The following PRDM11 variants were observed in gnomAD, a reference collection of about 807,000 sequenced individuals.
PRDM11 encodes PR domain-containing protein 11.
In PRDM11, 20 loss-of-function variants were observed where a neutral mutation model predicts 97.8. That is an observed-to-expected ratio of 0.20 (90% confidence interval 0.14 to 0.30). The LOEUF (loss-of-function observed/expected upper bound fraction) is 0.30, where lower values mean the gene tolerates loss of function less well. Ranked by LOEUF, PRDM11 falls within the 10% of genes least tolerant of loss-of-function variation. The pLI is 1.00. For missense variants in PRDM11, 1,139 were observed against 1,555.2 expected (o/e 0.73, Z 4.50); for synonymous variants, 599 against 637.7 (o/e 0.94, Z 0.91).
chr11:45,131,822 C>T (rs1852727818), intron 1 of PRDM11, among the ~76,000 whole-genome samples: 1 of 152,180 alleles, frequency 6.6e-6, no homozygotes, highest in Admixed American at 6.5e-5. Flanking sequence ...ATTATTATCT[C>T]AAATAACAGG....
chr11:45,114,173 T>C (rs898134236), intron 1 of PRDM11, among the ~76,000 whole-genome samples: 5 of 152,076 alleles, frequency 3.3e-5, no homozygotes, highest in African/African-American at 1.2e-4. Context: ...TTTATAAATA[T>C]GCTCAAGGAC....
intron 7 of PRDM11, 70 bp from the exon 8 acceptor site, chr11:45,225,925 T>C: frequency 1.4e-6 from 2 of 1,434,194 alleles, no homozygotes; most frequent in Non-Finnish European, 1.8e-6. Context: ...CCAGGAGTGT[T>C]TCCTGTGGAT....
chr11:45,108,877 A>G (rs1339872447), intron 1 of PRDM11, among the ~76,000 whole-genome samples: 1 of 152,264 alleles, frequency 6.6e-6, no homozygotes, highest in East Asian at 1.9e-4. Flanking sequence ...CACAAGTGTG[A>G]AATTTCTTTG....
At chr11:45,110,806 A>T (rs1288835400) in intron 1 of PRDM11, among the ~76,000 whole-genome samples, 1 of 152,186 alleles carries the variant, frequency 6.6e-6, no homozygotes, top group Non-Finnish European at 1.5e-5. Flanking sequence ...ATGGCAGTAA[A>T]GTATCCCAAA....
chr11:45,190,700 T>C (rs376948104), intron 4 of PRDM11, among the ~76,000 whole-genome samples: 1 of 152,176 alleles, frequency 6.6e-6, no homozygotes, highest in East Asian at 1.9e-4. Context: ...CATGAATGAA[T>C]GAGTGTTGCT....
intron 4 of PRDM11, among the ~76,000 whole-genome samples, chr11:45,201,612 G>A (rs936575189): frequency 5.9e-5 from 9 of 152,100 alleles, no homozygotes; most frequent in Non-Finnish European, 1.2e-4. Flanking sequence ...TCCTGCCTCA[G>A]CCTCCTGAGT....
chr11:45,116,649 T>C (rs73464534), intron 1 of PRDM11, among the ~76,000 whole-genome samples: 3,827 of 152,298 alleles, frequency 0.025, 164 homozygotes, highest in African/African-American at 0.088. Flanking sequence ...CTTAGAAATT[T>C]ATAGCTAGAA....
Position 45,174,872 on chromosome 11 carries a change from G to A in PRDM11, c.-6-6889G>A, listed in dbSNP as rs568083212. On this transcript the variant is annotated intron_variant, in intron 1 of 7. Coordinates refer to ENST00000683152, the MANE Select transcript of PRDM11 (RefSeq NM_001384648.1). ...CATGTGTACAGATCTGCATCATTATGTATAGACTTTAAGTGGAATTATTTT... is the reference window on the plus strand; with the variant it reads ...CATGTGTACAGATCTGCATCATTATATATAGACTTTAAGTGGAATTATTTT... Among the ~76,000 whole-genome samples the A allele has an allele frequency of 8.5e-5, 13 of 152,332 alleles. No individual in the cohort carries two copies. The South Asian group carries it at 1.9e-3, about 22-fold the overall frequency.
In PRDM11 at chr11:45,233,914, C is replaced by G. The variant is rs954583053; in HGVS notation, c.*5755C>G. The stretch of plus-strand genomic sequence containing the variant: ...CTGTACTCAGGACAACGCTGTTCCC[C>G]CTCCCTCACAGAGGCCCCGTGGCCC... On this transcript the variant is annotated 3_prime_UTR_variant, in exon 8 of 8. Transcript: ENST00000683152. The G allele has an allele frequency of 6.6e-6, 1 of 152,370 alleles. No homozygotes were observed. Among genetic ancestry groups the G allele is most frequent in the African/African-American group, 2.4e-5 (1 of 41,482 alleles). The allele number at this position is 152,370 out of a possible 1,614,324, so 9.4% of individuals were successfully genotyped here.
intron 1 of PRDM11, among the ~76,000 whole-genome samples, chr11:45,132,882 C>T (rs772473381): frequency 5.9e-5 from 9 of 152,176 alleles, no homozygotes; most frequent in Non-Finnish European, 1.0e-4. Context: ...CCAGGGACAG[C>T]AAAGATTGAG....
At chr11:45,113,788 T>G (rs971202386) in intron 1 of PRDM11, among the ~76,000 whole-genome samples, 7 of 137,202 alleles carry the variant, frequency 5.1e-5, no homozygotes, top group African/African-American at 1.9e-4. Flanking sequence ...TGCTACTGAT[T>G]TGTGTGTGTG....
At chr11:45,113,274 T>C (rs896944927) in intron 1 of PRDM11, among the ~76,000 whole-genome samples, 4 of 152,210 alleles carry the variant, frequency 2.6e-5, no homozygotes, top group Non-Finnish European at 5.9e-5. Context: ...TTATTTGGCT[T>C]TATTTCCGGG....
At chr11:45,214,811 C>T (rs1853909061) in intron 5 of PRDM11, 1 of 152,130 alleles carries the variant, frequency 6.6e-6, no homozygotes, top group Admixed American at 6.5e-5. Context: ...ACCTCGAGGA[C>T]CCCAAAGCAG....
chr11:45,110,614 C>A (rs10838413), intron 1 of PRDM11, among the ~76,000 whole-genome samples: 65,455 of 152,158 alleles, frequency 0.43, 17,027 homozygotes, highest in Non-Finnish European at 0.58. Context: ...CTGGCCTCCC[C>A]GGCGCAACGA....
intron 1 of PRDM11, among the ~76,000 whole-genome samples, chr11:45,158,599 C>A (rs973346278): frequency 2.0e-5 from 3 of 152,196 alleles, no homozygotes; most frequent in African/African-American, 7.2e-5. Context: ...GAGTCCTCAC[C>A]CTGTCTGCTG....
intron 1 of PRDM11, among the ~76,000 whole-genome samples, chr11:45,135,355 A>C (rs755195646): frequency 2.0e-5 from 3 of 152,242 alleles, no homozygotes; most frequent in Admixed American, 6.5e-5. Context: ...TTTTAAAAGG[A>C]AGGCACAAAG....
chr11:45,119,764 A>T (rs977580668), intron 1 of PRDM11, among the ~76,000 whole-genome samples: 30 of 152,196 alleles, frequency 2.0e-4, no homozygotes, highest in African/African-American at 7.2e-4. Flanking sequence ...TTCTTAACAG[A>T]ATAAAAGACT....
intron 4 of PRDM11, among the ~76,000 whole-genome samples, chr11:45,186,824 C>T (rs562975457): frequency 3.0e-4 from 46 of 152,260 alleles, no homozygotes; most frequent in South Asian, 4.1e-4. Context: ...CTTGTTCTGA[C>T]GAGGAAACAC....
intron 1 of PRDM11, among the ~76,000 whole-genome samples, chr11:45,121,530 A>C (rs57471626): frequency 0.017 from 2,635 of 152,314 alleles, 89 homozygotes; most frequent in African/African-American, 0.06. Flanking sequence ...AAAATGCTAA[A>C]ACAAGCAAGC....
Sources: allele counts gnomAD v4.1 joint callset (sites outside exome capture counted in the v4.1 genomes callset), GRCh38; gene constraint gnomAD v4.1.1; transcripts MANE v1.5; gene names NCBI Gene and HGNC (gene_info 2026-07-23, HGNC 2026-07-21).